TET2: variants seen among roughly 807,000 people sequenced by gnomAD.
TET2 encodes methylcytosine dioxygenase TET2.
Under a neutral mutation model 142.9 loss-of-function variants are expected in TET2, and 299 were observed. The ratio of observed to expected loss-of-function variants is 2.09; its 90% confidence interval spans 1.90 to 2.30. The LOEUF is 2.30. Among genes scored for constraint, TET2 ranks in the 30% most tolerant of loss-of-function variants. The pLI, the probability that TET2 is intolerant of heterozygous loss-of-function variation, is 0.00. For missense variants in TET2, 2,418 were observed against 2,378.0 expected, an observed-to-expected ratio of 1.02 and a Z score of -0.35; for synonymous variants, 819 against 849.0, an observed-to-expected ratio of 0.96 and a Z score of 0.61.
rs770335785 is a variant in TET2, at chr4:105,243,741, G to A, written c.3766G>A (p.Gly1256Ser). ...GCTTACCGAGACGCTGAGGAAATAC[G>A]GCACGCTCACCAATCGCCGGTGTGC... The part of the protein sequence containing the change: ...SELTETLRKY[G>S]TLTNRRCALN... Residue 1256 changes from glycine to serine, a missense_variant, in exon 6 of 11, where the codon GGC becomes AGC. Gly to Ser is a moderately conservative substitution (Grantham distance 56). Coordinates refer to ENST00000380013, the MANE Select transcript of TET2 (RefSeq NM_001127208.3). 2.6e-6 allele frequency: 4 copies of A among 1,551,248 alleles called. No individual in the cohort carries two copies. Among genetic ancestry groups the A allele is most frequent in the Admixed American group, 2.0e-5 (1 of 50,958 alleles).
rs373838974 is a variant in TET2, at chr4:105,236,165, C to T, written c.2223C>T (p.Asn741=). The change falls in exon 3 of 11, where the codon AAC becomes AAT. Residue 741 remains asparagine (N), a synonymous_variant. Transcript: ENST00000380013. ...QPSQSSHLPQ[N]QQQQQKLQIK... is the part of the protein sequence containing the mutation. ...CCCAGAGTTCACATCTCCCTCAAAACCAGCAACAGCAGCAAAAATTACAAA... is the reference window on the plus strand; with the variant it reads ...CCCAGAGTTCACATCTCCCTCAAAATCAGCAACAGCAGCAAAAATTACAAA... 31 of 1,614,078 alleles carry T rather than the reference C, an allele frequency of 1.9e-5. No homozygotes were observed. Among genetic ancestry groups the T allele is most frequent in the Non-Finnish European group, 2.5e-5 (30 of 1,180,010 alleles).
At position 105,236,506 on chromosome 4, in the gene TET2, C is replaced by T; in HGVS notation, c.2564C>T (p.Ala855Val). 6.2e-7 allele frequency: 1 copy of T among 1,614,018 alleles called. No individual in the cohort carries two copies. Residue 855 changes from alanine to valine, a missense_variant, in exon 3 of 11, where the codon GCA becomes GTA. Ala to Val is a moderately conservative substitution (Grantham distance 64). Coordinates refer to ENST00000380013, the MANE Select transcript of TET2 (RefSeq NM_001127208.3). ...KEQTTHPELF[A>V]GNKTQNLHHM... is the part of the protein sequence containing the mutation. ...CAGACTACACATCCTGAACTTTTTG[C>T]AGGAAACAAGACCCAAAACTTGCAT...
chr4:105,258,796 A>G lies in TET2; in HGVS notation c.3804-823A>G, dbSNP rs138032221. 1.4e-4 allele frequency among the ~76,000 whole-genome samples: 22 copies of G among 152,264 alleles called. No individual in the cohort carries two copies. In the East Asian group the frequency reaches 4.2e-3, roughly 29 times the overall value. On this transcript the variant is annotated intron_variant, in intron 6 of 10. Coordinates refer to ENST00000380013, the MANE Select transcript of TET2 (RefSeq NM_001127208.3). ...AATATTTTTTCTTGTAAGTTGTTTT[A>G]TCTCTCTTTGCTTACTTGTATGTTT...
rs370835195 is a variant in TET2, at chr4:105,276,391, G to C, written c.5881G>C (p.Glu1961Gln). 2.6e-6 allele frequency: 4 copies of C among 1,551,976 alleles called. No homozygotes were observed. In the South Asian group the frequency reaches 3.6e-5, roughly 14 times the overall value. ...GCCTGCTGAGCCACATGAAACTTCA[G>C]AGCCCACTTACCTGCGTTTCATCAA... ...REPAEPHETSEPTYLRFIKSL... is the reference protein window; with the variant it reads ...REPAEPHETSQPTYLRFIKSL... Residue 1961 changes from glutamate (E) to glutamine (Q), a missense_variant, in exon 11 of 11, where the codon GAG (glutamate) becomes CAG (glutamine). By Grantham distance (29) the Glu-to-Gln change is conservative. Coordinates refer to ENST00000380013, the MANE Select transcript of TET2 (RefSeq NM_001127208.3).
At chr4:105,174,739 A>G (rs888367683) in intron 1 of TET2, among the ~76,000 whole-genome samples, 1 of 152,210 alleles carries the variant, frequency 6.6e-6, no homozygotes, top group Non-Finnish European at 1.5e-5. Context: ...AGGAGTGTTC[A>G]CAGTGACTAC....
At chr4:105,162,781 T>A (rs1377113799) in intron 1 of TET2, among the ~76,000 whole-genome samples, 1 of 152,192 alleles carries the variant, frequency 6.6e-6, no homozygotes, top group African/African-American at 2.4e-5. Context: ...CTATTACATA[T>A]AGAAATACTT....
chr4:105,230,878 G>A (rs1474364187), intron 2 of TET2, among the ~76,000 whole-genome samples: 1 of 151,816 alleles, frequency 6.6e-6, no homozygotes, highest in Non-Finnish European at 1.5e-5. Flanking sequence ...TTAACTTTTG[G>A]GGGGGTTTTA....
At chr4:105,175,508 A>G (rs1206210225) in intron 1 of TET2, among the ~76,000 whole-genome samples, 6 of 152,172 alleles carry the variant, frequency 3.9e-5, no homozygotes, top group Non-Finnish European at 8.8e-5. Flanking sequence ...ATATGATAAT[A>G]GGAACTTCAA....
At position 105,261,838 on chromosome 4, in the gene TET2, A is replaced by C; in HGVS notation, c.4034A>C (p.Tyr1345Ser). The stretch of plus-strand genomic sequence containing the variant: ...TATAAGAAACTTGCACCTGATGCAT[A>C]TAATAATCAGGTAAGTTTAAATAAT... The part of the protein sequence containing the change: ...PTYKKLAPDA[Y>S]NNQIEYEHRA... Residue 1345 changes from tyrosine to serine, a missense_variant, in exon 8 of 11, where the codon TAT becomes TCT. Coordinates refer to ENST00000380013, the MANE Select transcript of TET2 (RefSeq NM_001127208.3). 1 of 1,544,400 alleles carries C rather than the reference A, an allele frequency of 6.5e-7. No homozygotes were observed. The highest frequency in any genetic ancestry group is 8.8e-7 in the Non-Finnish European group (1 of 1,141,666).
At chr4:105,241,729 C>A (rs999480130) in intron 4 of TET2, 4 of 1,259,734 alleles carry the variant, frequency 3.2e-6, no homozygotes, top group Non-Finnish European at 3.0e-6. Flanking sequence ...CTGGCACAGG[C>A]TCCAACGAGA....
Position 105,236,979 on chromosome 4 carries a change from C to T in TET2, c.3037C>T (p.Pro1013Ser). ...WKKVTKQENP[P>S]ASCDNVQQKS... ...AAAGGTAACTAAGCAAGAGAATCCACCTGCAAGCTGTGATAATGTGCAGCA... is the reference window on the plus strand; with the variant it reads ...AAAGGTAACTAAGCAAGAGAATCCATCTGCAAGCTGTGATAATGTGCAGCA... Residue 1013 changes from proline to serine, a missense_variant, in exon 3 of 11, where the codon CCT becomes TCT. By Grantham distance (74) the Pro-to-Ser change is moderately conservative. Coordinates refer to ENST00000380013, the MANE Select transcript of TET2 (RefSeq NM_001127208.3). 1.2e-6 allele frequency: 2 copies of T among 1,614,122 alleles called. No individual in the cohort carries two copies. Among genetic ancestry groups the T allele is most frequent in the Non-Finnish European group, 1.7e-6 (2 of 1,180,010 alleles).
Position 105,190,356 on chromosome 4 carries a change from C to G in TET2, c.-192-4C>G. The G allele has an allele frequency of 1.5e-6, 1 of 665,450 alleles. No individual in the cohort carries two copies. Among genetic ancestry groups the G allele is most frequent in the Non-Finnish European group, 2.7e-6 (1 of 368,976 alleles). The allele number at this position is 665,450 out of a possible 1,614,324, so 41.2% of individuals were successfully genotyped here. A position where few individuals can be genotyped will look rare whatever the true frequency, so the allele number is the denominator to read the frequency against. On this transcript the variant is annotated splice_region_variant and splice_polypyrimidine_tract_variant and intron_variant, in intron 1 of 10. Transcript: ENST00000380013. ...TAAAAATGTTCAAACTCTGTCTTCTCTAGGCTGGCAAACATTCAGCAGCAC... is the reference window on the plus strand; with the variant it reads ...TAAAAATGTTCAAACTCTGTCTTCTGTAGGCTGGCAAACATTCAGCAGCAC...
intron 2 of TET2, among the ~76,000 whole-genome samples, chr4:105,192,272 TGAG>T (rs1233334256): frequency 1.3e-5 from 2 of 152,310 alleles, no homozygotes; most frequent in South Asian, 2.1e-4. Flanking sequence ...GGTAGCTCTC[TGAG>T]GAGTTCTTCC....
At chr4:105,239,084 T>TTTTTTTTTG (rs1560550074) in intron 3 of TET2, 3 of 221,548 alleles carry the variant, frequency 1.4e-5, no homozygotes, top group African/African-American at 2.7e-5. Context: ...GTTTTTTTTT[T>TTTTTTTTTG]TTGTTTTTTA....
Position 105,269,755 on chromosome 4 carries a change from G to T in TET2, c.4182+8G>T, listed in dbSNP as rs1392972076. On this transcript the variant is annotated splice_region_variant and intron_variant, in intron 9 of 10. Coordinates refer to ENST00000380013, the MANE Select transcript of TET2 (RefSeq NM_001127208.3). ...CAGAATGGCAGCACATTGGTAAGTT[G>T]GGCTGAGGACAGCTTAGCAGCTGTT... 1 of 1,551,426 alleles carries T rather than the reference G, an allele frequency of 6.4e-7. No homozygotes were observed. The highest frequency in any genetic ancestry group is 8.7e-7 in the Non-Finnish European group (1 of 1,146,820).
intron 6 of TET2, among the ~76,000 whole-genome samples, chr4:105,245,512 T>C (rs1729542376): frequency 6.6e-6 from 1 of 152,068 alleles, no homozygotes. Context: ...GTATTTTTAG[T>C]AGAGACAGGG....
chr4:105,245,407 T>C (rs1729538059), intron 6 of TET2, among the ~76,000 whole-genome samples: 1 of 152,066 alleles, frequency 6.6e-6, no homozygotes, highest in South Asian at 2.1e-4. Context: ...CTCGGCTCAC[T>C]GCAACCTCCA....
chr4:105,204,227 A>AT (rs1726662779), intron 2 of TET2, among the ~76,000 whole-genome samples: 6 of 96,884 alleles, frequency 6.2e-5, no homozygotes, highest in African/African-American at 3.0e-4. Flanking sequence ...AAAAAAAAAA[A>AT]AATATATACA....
At chr4:105,187,624 T>A (rs1046282341) in intron 1 of TET2, among the ~76,000 whole-genome samples, 1 of 152,232 alleles carries the variant, frequency 6.6e-6, no homozygotes, top group Non-Finnish European at 1.5e-5. Context: ...ATAATTGAAT[T>A]TCTTTTTTCT....
Sources: allele counts gnomAD v4.1 joint callset (sites outside exome capture counted in the v4.1 genomes callset), GRCh38; gene constraint gnomAD v4.1.1; transcripts MANE v1.5; gene names NCBI Gene and HGNC (gene_info 2026-07-23, HGNC 2026-07-21).